Variants in GTF2E2 observed in about 807,000 individuals in gnomAD.
GTF2E2 encodes the protein general transcription factor IIE subunit 2, also known as transcription initiation factor IIE subunit beta.
Under a neutral mutation model 40.5 loss-of-function variants are expected in GTF2E2, and 21 were observed. The observed-to-expected ratio is 0.52, with a 90% CI of 0.37 to 0.75. The LOEUF is 0.75. Ranked by LOEUF, GTF2E2 falls within the 30% of genes least tolerant of loss-of-function variation. The pLI is 0.00. For missense variants in GTF2E2, 298 were observed against 338.4 expected, an observed-to-expected ratio of 0.88 and a Z score of 0.94; for synonymous variants, 117 against 121.6, an observed-to-expected ratio of 0.96 and a Z score of 0.25.
chr8:30,583,714 C>T (rs1347358650), intron 6 of GTF2E2, among the ~76,000 whole-genome samples: 1 of 152,140 alleles, frequency 6.6e-6, no homozygotes, highest in Non-Finnish European at 1.5e-5. Context: ...ATTTAGCAGA[C>T]TCATGGATAT....
intron 3 of GTF2E2, among the ~76,000 whole-genome samples, chr8:30,622,708 A>G (rs555123468): frequency 6.6e-6 from 1 of 152,082 alleles, no homozygotes; most frequent in Non-Finnish European, 1.5e-5. Context: ...GGCCGTCTAC[A>G]GACCTACCCC....
chr8:30,617,161 G>T (rs980560559), intron 3 of GTF2E2, among the ~76,000 whole-genome samples: 1 of 152,098 alleles, frequency 6.6e-6, no homozygotes, highest in African/African-American at 2.4e-5. Flanking sequence ...CATTGAGCAG[G>T]TTACTGAACC....
At chr8:30,609,939 A>T (rs1829435019) in intron 5 of GTF2E2, among the ~76,000 whole-genome samples, 3 of 151,246 alleles carry the variant, frequency 2.0e-5, no homozygotes, top group Admixed American at 6.6e-5. Context: ...GTTTCCTGAG[A>T]CCTCCCCATA....
intron 3 of GTF2E2, among the ~76,000 whole-genome samples, chr8:30,628,961 C>A (rs1190968392): frequency 1.3e-5 from 2 of 151,610 alleles, no homozygotes; most frequent in Admixed American, 1.3e-4. Flanking sequence ...TTACCAGCAA[C>A]TTTTTCTATA....
At chr8:30,636,922 T>C (rs1801621129) in intron 2 of GTF2E2, 2 of 424,884 alleles carry the variant, frequency 4.7e-6, no homozygotes, top group Non-Finnish European at 4.6e-6. Flanking sequence ...TTATGAAATA[T>C]TACCTACGTA....
intron 2 of GTF2E2, among the ~76,000 whole-genome samples, chr8:30,644,255 C>T (rs990284384): frequency 1.3e-5 from 2 of 152,168 alleles, no homozygotes; most frequent in African/African-American, 2.4e-5. Flanking sequence ...GAAACTTGAA[C>T]TCACCAGCTT....
chr8:30,583,363 G>T (rs1465177692), intron 6 of GTF2E2, among the ~76,000 whole-genome samples: 1 of 151,140 alleles, frequency 6.6e-6, no homozygotes, highest in Non-Finnish European at 1.5e-5. Flanking sequence ...AAAACACAAA[G>T]AGCTGCTCTT....
chr8:30,607,135 T>C lies in GTF2E2; in HGVS notation c.565A>G (p.Ile189Val). The C allele has an allele frequency of 7.1e-7, 1 of 1,403,522 alleles. No homozygotes were observed. The highest frequency in any genetic ancestry group is 1.4e-5 in the African/African-American group (1 of 69,854). 86.9% of individuals were successfully genotyped at this position (1,403,522 alleles called of 1,614,324 possible). ...TTATCGGGACGATTTACAAATAGTA[T>C]CTGGTCCCCCAAAGCCTTAAAGATA... ...QKAVKALGDQ[I>V]LFVNRPDKKK... is the part of the protein sequence containing the mutation. The change falls in exon 6 of 8, where the codon ATA (isoleucine) becomes GTA (valine). Residue 189 changes from isoleucine to valine, a missense_variant. Ile to Val is a conservative substitution (Grantham distance 29). Coordinates refer to ENST00000355904, the MANE Select transcript of GTF2E2 (RefSeq NM_002095.6).
chr8:30,651,432 C>T (rs1048246582), intron 2 of GTF2E2, among the ~76,000 whole-genome samples: 4 of 151,650 alleles, frequency 2.6e-5, no homozygotes, highest in South Asian at 2.1e-4. Context: ...TCAAAGAAAA[C>T]AATTTCATTC....
In GTF2E2 at chr8:30,607,077, C is replaced by G. The variant is rs780689146; in HGVS notation, c.623G>C (p.Cys208Ser). The change falls in exon 6 of 8, where the codon TGT (cysteine) becomes TCT (serine). Residue 208 changes from cysteine (C) to serine (S), a missense_variant. Physicochemically the swap from Cys to Ser is moderately radical, Grantham distance 112 (BLOSUM62 -1). Coordinates refer to ENST00000355904, the MANE Select transcript of GTF2E2 (RefSeq NM_002095.6). ...KKILFFNDKS[C>S]QFSVDEEFQK... ...CTCACCTTCATCCACAGAAAACTGACAGCTCTTATCATTGAAGAAAAGTAT... is the reference window on the plus strand; with the variant it reads ...CTCACCTTCATCCACAGAAAACTGAGAGCTCTTATCATTGAAGAAAAGTAT... 7.0e-7 allele frequency: 1 copy of G among 1,424,646 alleles called. No individual in the cohort carries two copies. Among genetic ancestry groups the G allele is most frequent in the Non-Finnish European group, 9.8e-7 (1 of 1,024,240 alleles). The allele number at this position is 1,424,646 out of a possible 1,614,324, so 88.3% of individuals were successfully genotyped here.
rs1801452609 is a variant in GTF2E2, at chr8:30,632,080, A to G, written c.258+2952T>C. 2.0e-5 allele frequency among the ~76,000 whole-genome samples: 3 copies of G among 152,242 alleles called. No homozygotes were observed. The South Asian group carries it at 6.2e-4, about 31-fold the overall frequency. ...AGCCAGGATGGTGCCAATGCACTCT[A>G]GCCTAGGTGACAGAGTTAAGACCCT... is the stretch of plus-strand genomic sequence containing the variant. On this transcript the variant is annotated intron_variant, in intron 3 of 7. Transcript: ENST00000355904.
At chr8:30,595,785 T>C (rs958986536) in intron 6 of GTF2E2, among the ~76,000 whole-genome samples, 3 of 150,608 alleles carry the variant, frequency 2.0e-5, no homozygotes, top group South Asian at 2.1e-4. Flanking sequence ...TGAGCCAAGA[T>C]TGCACCACTG....
At chr8:30,583,420 C>T (rs542456931) in intron 6 of GTF2E2, among the ~76,000 whole-genome samples, 1 of 152,330 alleles carries the variant, frequency 6.6e-6, no homozygotes, top group Admixed American at 6.5e-5. Flanking sequence ...CACTTTGTCA[C>T]CTAGGCTGGA....
intron 5 of GTF2E2, among the ~76,000 whole-genome samples, chr8:30,609,821 G>A (rs1269984622): frequency 6.6e-6 from 1 of 152,110 alleles, no homozygotes; most frequent in African/African-American, 2.4e-5. Flanking sequence ...GAGTTCTCAT[G>A]AGATCTGGTC....
intron 2 of GTF2E2, among the ~76,000 whole-genome samples, chr8:30,648,141 A>T (rs1802158304): frequency 1.3e-5 from 2 of 152,230 alleles, no homozygotes; most frequent in African/African-American, 4.8e-5. Context: ...ATATTCCAGG[A>T]AGAAGAAATA....
intron 6 of GTF2E2, among the ~76,000 whole-genome samples, chr8:30,602,194 T>C (rs1404097027): frequency 6.6e-6 from 1 of 152,046 alleles, no homozygotes; most frequent in Non-Finnish European, 1.5e-5. Context: ...ATTTTTGTAC[T>C]TTTAGGAGAA....
intron 5 of GTF2E2, among the ~76,000 whole-genome samples, chr8:30,609,776 G>C (rs1160407379): frequency 6.6e-6 from 1 of 152,150 alleles, no homozygotes; most frequent in Non-Finnish European, 1.5e-5. Context: ...TGGTATGAAG[G>C]TGGATTTCCC....
At chr8:30,622,994 C>A (rs1796168022) in intron 3 of GTF2E2, among the ~76,000 whole-genome samples, 1 of 152,038 alleles carries the variant, frequency 6.6e-6, no homozygotes, top group Admixed American at 6.6e-5. Flanking sequence ...ATACATCCTC[C>A]TCAGCTGACA....
intron 6 of GTF2E2, among the ~76,000 whole-genome samples, chr8:30,591,475 C>T (rs559598858): frequency 6.6e-6 from 1 of 151,836 alleles, no homozygotes; most frequent in African/African-American, 2.4e-5. Flanking sequence ...CAGAGTGAGA[C>T]CCTGTTTCTA....
Sources: allele counts gnomAD v4.1 joint callset (sites outside exome capture counted in the v4.1 genomes callset), GRCh38; gene constraint gnomAD v4.1.1; transcripts MANE v1.5; gene names NCBI Gene and HGNC (gene_info 2026-07-23, HGNC 2026-07-21).